NPC1: variants seen among roughly 807,000 people sequenced by gnomAD.
NPC1 encodes Niemann-Pick C1 protein.
Under a neutral mutation model 140.4 loss-of-function variants are expected in NPC1, and 85 were observed. The ratio of observed to expected loss-of-function variants is 0.61; its 90% CI spans 0.51 to 0.72. The LOEUF (loss-of-function observed/expected upper bound fraction) is 0.72, where lower values mean the gene tolerates loss of function less well. Ranked by LOEUF, NPC1 falls within the 30% of genes least tolerant of loss-of-function variation. The pLI is 0.00. For synonymous variants in NPC1, 656 were observed against 624.8 expected (o/e 1.05, Z -0.74); for missense variants, 1,504 against 1,623.8 (o/e 0.93, Z 1.27).
At chr18:23,532,695 C>CTTTTTTTTTTTTTTTTTT (rs61493442) in intron 24 of NPC1, among the ~76,000 whole-genome samples, 1 of 136,840 alleles carries the variant, frequency 7.3e-6, no homozygotes. Flanking sequence ...GTGCTCATCT[C>CTTTTTTTTTTTTTTTTTT]TTTTTTTTTT....
At chr18:23,526,987 A>G (rs375914293), downstream of NPC1, among the ~76,000 whole-genome samples, 18 of 152,292 alleles carry the variant, frequency 1.2e-4, no homozygotes, top group African/African-American at 4.3e-4. Context: ...ATGGTTCTGA[A>G]TGAAAGTGGG....
At chr18:23,555,996 A>G (rs2058944357) in intron 8 of NPC1, among the ~76,000 whole-genome samples, 1 of 152,246 alleles carries the variant, frequency 6.6e-6, no homozygotes. Context: ...TCTCAATTTC[A>G]AGAAAAAGGC....
intron 9 of NPC1, among the ~76,000 whole-genome samples, chr18:23,554,343 C>T (rs1250636191): frequency 3.3e-5 from 5 of 152,212 alleles, no homozygotes; most frequent in Non-Finnish European, 7.3e-5. Flanking sequence ...TGGAAGCTCA[C>T]GCCTGTAATC....
intron 3 of NPC1, chr18:23,506,875 C>T (rs2057729901): frequency 2.4e-6 from 2 of 834,808 alleles, no homozygotes; most frequent in East Asian, 2.7e-5. Context: ...GAATTTGCTG[C>T]CTCCTGAATA....
intron 3 of NPC1, 43 bp downstream of exon 3, chr18:23,572,031 A>G: frequency 7.8e-7 from 1 of 1,274,644 alleles, no homozygotes; most frequent in South Asian, 1.2e-5. Context: ...CCAGTTCACA[A>G]GTATCTACAG....
chr18:23,516,582 T>C (rs768338294), intron 3 of NPC1, among the ~76,000 whole-genome samples: 2 of 152,222 alleles, frequency 1.3e-5, no homozygotes, highest in Non-Finnish European at 2.9e-5. Context: ...CCTGTGAACA[T>C]AGAAAACCTG....
rs62093275 is a variant in NPC1 at position 23,534,411 on chromosome 18, G to A, written c.3591+35C>T. ...ACTGAGGAGGATTACTTTGTGGTGC[G>A]ACTCTGCCGGCGTGGCCCTGCTCAG... On this transcript the variant is annotated intron_variant, in intron 23 of 24. Transcript: ENST00000269228. 2.8e-3 allele frequency: 3,795 copies of A among 1,376,010 alleles called. 10 individuals are homozygous for A. Among genetic ancestry groups the A allele is most frequent in the Non-Finnish European group, 3.3e-3 (3,214 of 967,712 alleles). 85.2% of individuals were successfully genotyped at this position (1,376,010 alleles called of 1,614,324 possible). A position where few individuals can be genotyped will look rare whatever the true frequency, so the allele number is the denominator to read the frequency against.
chr18:23,568,741 T>C (rs1257727134), intron 4 of NPC1, 82 bp downstream of exon 4: 2 of 1,130,440 alleles, frequency 1.8e-6, no homozygotes, highest in Non-Finnish European at 1.3e-6. Flanking sequence ...TTTTCCAGAG[T>C]TGACAGGACA....
At chr18:23,535,318 C>T in intron 22 of NPC1, 151 bp downstream of exon 22, 1 of 709,982 alleles carries the variant, frequency 1.4e-6, no homozygotes, top group Non-Finnish European at 2.5e-6. Flanking sequence ...AGCACTCCTC[C>T]AGCACTCATC....
At chr18:23,578,320 G>C (rs2059316624) in intron 1 of NPC1, among the ~76,000 whole-genome samples, 1 of 152,256 alleles carries the variant, frequency 6.6e-6, no homozygotes, top group Non-Finnish European at 1.5e-5. Flanking sequence ...GGCAAAGCCA[G>C]GATTCAAAAC....
At chr18:23,573,076 A>G (rs919179779) in intron 2 of NPC1, among the ~76,000 whole-genome samples, 17 of 152,216 alleles carry the variant, frequency 1.1e-4, no homozygotes, top group African/African-American at 3.9e-4. Flanking sequence ...CCAGGGGACA[A>G]GGACGTCAAA....
At position 23,560,275 on chromosome 18, in the gene NPC1, A is replaced by G. The variant is rs2059018747; in HGVS notation, c.837T>C (p.Phe279=). The G allele has an allele frequency of 6.2e-7, 1 of 1,614,086 alleles. No individual in the cohort carries two copies. Among genetic ancestry groups the G allele is most frequent in the South Asian group, 1.1e-5 (1 of 91,090 alleles). ...YVIMWITYMA[F]LLVFFGAFFA... is the part of the protein sequence containing the mutation. ...AAAATGCTCCAAAAAACACAAGCAAAAACGCCATGTAGGTGATCCACATGA... is the reference window on the plus strand; with the variant it reads ...AAAATGCTCCAAAAAACACAAGCAAGAACGCCATGTAGGTGATCCACATGA... The change falls in exon 6 of 25, where the codon TTT becomes TTC. Residue 279 remains phenylalanine (F), a synonymous_variant. Transcript: ENST00000269228.
rs201791992 is a variant in NPC1, at chr18:23,554,762, C to T, written c.1549G>A (p.Val517Ile). The change falls in exon 9 of 25, where the codon GTA becomes ATA. Residue 517 changes from valine to isoleucine, a missense_variant. Val to Ile is a conservative substitution (Grantham distance 29). Transcript: ENST00000269228. ...ADYHTHFLYC[V>I]RAPASLNDTS... ...TGATTGTCTCTTGCCACTTACCGTA[C>T]GCAGTACAGAAAGTGCGTGTGGTAA... is the stretch of plus-strand genomic sequence containing the variant. 53 of 1,612,630 alleles carry T rather than the reference C, an allele frequency of 3.3e-5. 1 individual carries two copies. The East Asian group carries it at 3.3e-4, about 10-fold the overall frequency.
In NPC1 at chr18:23,573,441, A is replaced by G. The variant is rs758867980; in HGVS notation, c.180+11T>C. On this transcript the variant is annotated intron_variant, in intron 2 of 24. Coordinates refer to ENST00000269228, the MANE Select transcript of NPC1 (RefSeq NM_000271.5). ...ATTTTGTGTTCCCAGTGCCTAAGAT[A>G]ATGAACTTACCTGCACTAAGTCATA... 9 of 1,614,140 alleles carry G rather than the reference A, an allele frequency of 5.6e-6. No individual in the cohort carries two copies. The South Asian group carries it at 8.8e-5, about 16-fold the overall frequency.
intron 4 of NPC1, among the ~76,000 whole-genome samples, chr18:23,568,010 T>C (rs886722555): frequency 1.3e-5 from 2 of 152,230 alleles, no homozygotes; most frequent in Non-Finnish European, 2.9e-5. Flanking sequence ...TAGAAATCTT[T>C]CCATATTTAC....
At chr18:23,585,416 T>C (rs2059405863) in intron 1 of NPC1, among the ~76,000 whole-genome samples, 1 of 152,128 alleles carries the variant, frequency 6.6e-6, no homozygotes, top group South Asian at 2.1e-4. Context: ...GAGAGTTTTT[T>C]CTAGTCCACG....
chr18:23,574,447 A>G (rs1303521212), intron 1 of NPC1, among the ~76,000 whole-genome samples: 1 of 151,458 alleles, frequency 6.6e-6, no homozygotes, highest in Non-Finnish European at 1.5e-5. Context: ...GAAAGCCATA[A>G]AAAAAAAACA....
intron 20 of NPC1, 56 bp downstream of exon 20, chr18:23,538,486 T>C (rs1423434352): frequency 5.6e-6 from 9 of 1,608,958 alleles, no homozygotes; most frequent in Non-Finnish European, 7.7e-6. Flanking sequence ...CTCCTAGTTT[T>C]CTACTGCAAA....
rs112473450 is a variant in NPC1 at position 23,507,170 on chromosome 18, G to T, written c.432-528C>A. ...TTTTATTATCTTACTGTTGTGAAAGGTATAGTTATGTTGCATTGTATTAGA... is the reference window on the plus strand; with the variant it reads ...TTTTATTATCTTACTGTTGTGAAAGTTATAGTTATGTTGCATTGTATTAGA... On this transcript the variant is annotated intron_variant, in intron 3 of 3. Transcript: ENST00000591107. The T allele has an allele frequency of 4.8e-5, 33 of 682,786 alleles. 1 individual carries two copies. The highest frequency in any genetic ancestry group is 3.1e-4 in the African/African-American group (17 of 54,792). The allele number at this position is 682,786 out of a possible 1,614,324, so 42.3% of individuals were successfully genotyped here.
Sources: allele counts gnomAD v4.1 joint callset (sites outside exome capture counted in the v4.1 genomes callset), GRCh38; gene constraint gnomAD v4.1.1; transcripts MANE v1.5; gene names NCBI Gene and HGNC (gene_info 2026-07-23, HGNC 2026-07-21).